The following CTNNA3 variants were observed in gnomAD, a reference collection of about 807,000 sequenced individuals.
The protein encoded by CTNNA3 is catenin alpha-3.
A neutral mutation model predicts 95.7 loss-of-function variants in CTNNA3; 76 were observed. The observed-to-expected ratio is 0.79, with a 90% CI of 0.66 to 0.96. The LOEUF is 0.96. CTNNA3 is among the 40% of genes least tolerant of loss of function. The pLI is 0.00. For missense variants in CTNNA3, 1,191 were observed against 1,089.8 expected (o/e 1.09, Z -1.31); for synonymous variants, 431 against 374.4 (o/e 1.15, Z -1.74).
At chr10:66,995,733 T>TA (rs1440392814) in intron 7 of CTNNA3, among the ~76,000 whole-genome samples, 3 of 152,156 alleles carry the variant, frequency 2.0e-5, no homozygotes, top group Non-Finnish European at 4.4e-5. Flanking sequence ...TCCTTCTGCT[T>TA]AAAAGATCTT....
At chr10:66,716,632 T>G (rs1416491952) in intron 9 of CTNNA3, among the ~76,000 whole-genome samples, 4 of 152,166 alleles carry the variant, frequency 2.6e-5, no homozygotes, top group African/African-American at 9.6e-5. Flanking sequence ...TATGTTTGTG[T>G]TTTTGTCATA....
At chr10:67,577,425 A>G (rs1221120481) in intron 3 of CTNNA3, among the ~76,000 whole-genome samples, 1 of 151,978 alleles carries the variant, frequency 6.6e-6, no homozygotes, top group Non-Finnish European at 1.5e-5. Context: ...TCTGGATATT[A>G]GCCTTTTGTC....
intron 6 of CTNNA3, among the ~76,000 whole-genome samples, chr10:67,199,840 C>G (rs2132205354): frequency 6.6e-6 from 1 of 152,240 alleles, no homozygotes; most frequent in African/African-American, 2.4e-5. Flanking sequence ...GTGGGATGTG[C>G]TATTAAAGAG....
chr10:66,451,838 A>G (rs1194642689), intron 11 of CTNNA3, among the ~76,000 whole-genome samples: 1 of 152,202 alleles, frequency 6.6e-6, no homozygotes, highest in Non-Finnish European at 1.5e-5. Flanking sequence ...GCTAACTCCT[A>G]CTTCCTAAGC....
chr10:67,154,882 A>G (rs10822988), intron 7 of CTNNA3, among the ~76,000 whole-genome samples: 96,209 of 151,974 alleles, frequency 0.63, 31,636 homozygotes, highest in African/African-American at 0.82. Flanking sequence ...GGATGTCTGC[A>G]TAAACTGTTA....
At chr10:67,205,856 CTT>C (rs1341719792) in intron 6 of CTNNA3, among the ~76,000 whole-genome samples, 1 of 152,150 alleles carries the variant, frequency 6.6e-6, no homozygotes, top group Non-Finnish European at 1.5e-5. Flanking sequence ...CATGGTGAGT[CTT>C]TCTCTGCCCT....
intron 11 of CTNNA3, among the ~76,000 whole-genome samples, chr10:66,383,081 G>A (rs920652508): frequency 5.3e-5 from 8 of 152,158 alleles, no homozygotes; most frequent in African/African-American, 1.9e-4. Flanking sequence ...AACAAAGCTG[G>A]ATGGAAAATG....
chr10:67,511,776 G>A (rs1429694381), intron 5 of CTNNA3, among the ~76,000 whole-genome samples: 2 of 152,154 alleles, frequency 1.3e-5, no homozygotes, highest in Admixed American at 6.5e-5. Flanking sequence ...AATGGTACCA[G>A]CTCCTCTTTG....
intron 5 of CTNNA3, among the ~76,000 whole-genome samples, chr10:67,230,372 T>C (rs114217653): frequency 0.01 from 1,548 of 151,866 alleles, 16 homozygotes; most frequent in African/African-American, 0.024. Context: ...AAAAACTCTA[T>C]ACGATAACAT....
At chr10:66,674,436 TA>T (rs1846775155) in intron 9 of CTNNA3, among the ~76,000 whole-genome samples, 1 of 152,082 alleles carries the variant, frequency 6.6e-6, no homozygotes, top group Admixed American at 6.6e-5. Context: ...AGCACTTTCC[TA>T]GCTATTTTAC....
intron 11 of CTNNA3, among the ~76,000 whole-genome samples, chr10:66,483,012 T>C (rs897283103): frequency 3.3e-5 from 5 of 151,800 alleles, no homozygotes; most frequent in African/African-American, 9.7e-5. Flanking sequence ...ACAGGAGAGG[T>C]TGGAGATAAA....
At chr10:67,295,068 C>G (rs1346556767) in intron 5 of CTNNA3, among the ~76,000 whole-genome samples, 1 of 152,166 alleles carries the variant, frequency 6.6e-6, no homozygotes, top group East Asian at 1.9e-4. Flanking sequence ...ACACATCCTG[C>G]CCCCATGAAG....
chr10:66,925,280 T>A (rs1847005503), intron 7 of CTNNA3, among the ~76,000 whole-genome samples: 1 of 152,162 alleles, frequency 6.6e-6, no homozygotes, highest in African/African-American at 2.4e-5. Flanking sequence ...TACTATTGTT[T>A]AAAGAGAAAA....
At chr10:66,081,875 G>C (rs2080775459) in intron 14 of CTNNA3, among the ~76,000 whole-genome samples, 2 of 152,140 alleles carry the variant, frequency 1.3e-5, no homozygotes, top group Non-Finnish European at 2.9e-5. Context: ...CCAGCACTTT[G>C]GGAGGCTGCG....
In CTNNA3 at chr10:67,456,404, C is replaced by T. The variant is rs184656722; in HGVS notation, c.579+65438G>A. Among the ~76,000 whole-genome samples the T allele has an allele frequency of 1.7e-3, 263 of 152,242 alleles. 1 individual carries two copies. The highest frequency in any genetic ancestry group is 6.1e-3 in the African/African-American group (254 of 41,562). On this transcript the variant is annotated intron_variant, in intron 5 of 17. Transcript: ENST00000433211. ...TTCTAGAATAATGAACCTTGTCCTC[C>T]CTTTTTCTGATAACCCATCATAACT...
chr10:66,811,841 C>T (rs930648068), intron 7 of CTNNA3, among the ~76,000 whole-genome samples: 1 of 152,128 alleles, frequency 6.6e-6, no homozygotes, highest in African/African-American at 2.4e-5. Flanking sequence ...CCTTCTGAAT[C>T]AGATTGCCTG....
chr10:67,191,687 TAG>T (rs1863126798), intron 6 of CTNNA3, among the ~76,000 whole-genome samples: 1 of 151,892 alleles, frequency 6.6e-6, no homozygotes, highest in African/African-American at 2.4e-5. Flanking sequence ...AAGTGATCTA[TAG>T]AGTCAAAACA....
At chr10:66,990,600 G>A (rs946891086) in intron 7 of CTNNA3, among the ~76,000 whole-genome samples, 4 of 152,110 alleles carry the variant, frequency 2.6e-5, no homozygotes, top group Admixed American at 2.6e-4. Context: ...GAAATAAAGA[G>A]GTCAAATGTT....
At chr10:66,538,405 T>A (rs1039992670) in intron 10 of CTNNA3, among the ~76,000 whole-genome samples, 12 of 152,160 alleles carry the variant, frequency 7.9e-5, no homozygotes, top group Non-Finnish European at 8.8e-5. Context: ...CAGAGGTTAG[T>A]GCTTGTAAAT....
Sources: gnomAD v4.1 joint callset for allele counts (sites outside exome capture counted in the v4.1 genomes callset) on GRCh38, gnomAD v4.1.1 for gene constraint, MANE v1.5 for transcripts, NCBI Gene and HGNC (gene_info 2026-07-23, HGNC 2026-07-21) for gene names.